Variants in PLCXD1 observed in about 807,000 individuals in gnomAD.
The protein encoded by PLCXD1 is PI-PLC X domain-containing protein 1.
A neutral mutation model predicts 37.8 loss-of-function variants in PLCXD1; 45 were observed. That is an observed-to-expected ratio of 1.19 (90% CI 0.94 to 1.53). PLCXD1 has a LOEUF of 1.53. Among genes scored for constraint, PLCXD1 ranks in the 40% most tolerant of loss-of-function variants. The pLI is 0.00. For synonymous variants in PLCXD1, 246 were observed against 206.9 expected (o/e 1.19, Z -1.62); for missense variants, 539 against 454.7 (o/e 1.19, Z -1.69).
At chrX:284,964 G>A (rs1216985060) in intron 2 of PLCXD1, among the ~76,000 whole-genome samples, 1 of 152,134 alleles carries the variant, frequency 6.6e-6, no homozygotes, top group Non-Finnish European at 1.5e-5. Context: ...GTGATTCGGT[G>A]ACCTCCCACC....
intron 1 of PLCXD1, among the ~76,000 whole-genome samples, chrX:282,260 T>TG: frequency 6.6e-6 from 1 of 152,192 alleles, no homozygotes; most frequent in East Asian, 1.9e-4. Flanking sequence ...CGGACGCCTG[T>TG]AATCCCAGCT....
At chrX:278,474 C>T (rs2069197174), upstream of PLCXD1, among the ~76,000 whole-genome samples, 1 of 152,106 alleles carries the variant, frequency 6.6e-6, no homozygotes, top group Non-Finnish European at 1.5e-5. Context: ...CACGGTGGCT[C>T]ACGCCTGTCA....
At position 281,410 on chromosome X, in the gene PLCXD1, A is replaced by C. The variant is rs1484012533; in HGVS notation, c.-296A>C. On this transcript the variant is annotated 5_prime_UTR_variant, in exon 1 of 7. The change abolishes an upstream ATG in the 5' untranslated region. Coordinates refer to ENST00000381657, the MANE Select transcript of PLCXD1 (RefSeq NM_018390.4). ...CGGGCAGCAGGGAAGATCTGAGTTC[A>C]TGTAGCTGGTGTTGGCTTAGGGTCT... The C allele has an allele frequency of 2.3e-4, 34 of 150,614 alleles. 1 individual carries two copies. The highest frequency in any genetic ancestry group is 4.3e-5 in the Non-Finnish European group (3 of 69,414). The allele number at this position is 150,614 out of a possible 1,614,324, so 9.3% of individuals were successfully genotyped here. A position where few individuals can be genotyped will look rare whatever the true frequency, so the allele number is the denominator to read the frequency against.
At chrX:284,132 C>G in intron 1 of PLCXD1, 35 bp from the exon 2 acceptor site, 2 of 1,587,424 alleles carry the variant, frequency 1.3e-6, no homozygotes, top group Non-Finnish European at 8.6e-7. Context: ...CTGAAGTCAC[C>G]GTAAAAAACC....
chrX:299,287 C>T lies in PLCXD1; in HGVS notation c.924C>T (p.Gly308=), dbSNP rs369707291. The T allele has an allele frequency of 2.9e-4, 469 of 1,613,918 alleles. 1 individual carries two copies. Among genetic ancestry groups the T allele is most frequent in the Non-Finnish European group, 2.2e-4 (260 of 1,179,828 alleles). ...IIAGDFIGAD[G]FVSDVIALNQ... Reference sequence around the variant, plus strand: ...CGGGGGACTTCATCGGCGCAGACGGCTTCGTCAGTGACGTCATCGCGCTCA... The same window carrying T: ...CGGGGGACTTCATCGGCGCAGACGGTTTCGTCAGTGACGTCATCGCGCTCA... Residue 308 remains glycine (G), a synonymous_variant, in exon 7 of 7, where the codon GGC becomes GGT. Transcript: ENST00000381657.
Position 300,537 on chromosome X carries a change from T to C in PLCXD1, c.*1202T>C, listed in dbSNP as rs1339428517. 1 of 138,760 alleles carries C rather than the reference T, an allele frequency of 7.2e-6. No individual in the cohort carries two copies. Among genetic ancestry groups the C allele is most frequent in the East Asian group, 1.9e-4 (1 of 5,146 alleles). The allele number at this position is 138,760 out of a possible 1,614,324, so 8.6% of individuals were successfully genotyped here. A position where few individuals can be genotyped will look rare whatever the true frequency, so the allele number is the denominator to read the frequency against. On this transcript the variant is annotated 3_prime_UTR_variant, in exon 7 of 7. Transcript: ENST00000381657. ...GTGCATATGTGTATACGTGTATGCA[T>C]ACATGTATATGTGTATGCATGTATA...
chrX:292,923 T>G, intron 5 of PLCXD1, 112 bp from the exon 6 acceptor site: 1 of 677,658 alleles, frequency 1.5e-6, no homozygotes. Flanking sequence ...AGAATTTCAT[T>G]TTTGGTTTAT....
intron 3 of PLCXD1, among the ~76,000 whole-genome samples, chrX:289,285 T>C (rs1401657669): frequency 4.6e-5 from 7 of 151,938 alleles, no homozygotes; most frequent in Non-Finnish European, 8.8e-5. Context: ...GATGGGGTTT[T>C]ACCGTGTTAG....
rs751758426 is a variant in PLCXD1 at position 303,059 on chromosome X, C to G, written c.*3724C>G. The G allele has an allele frequency of 6.6e-6, 1 of 152,288 alleles. No homozygotes were observed. The highest frequency in any genetic ancestry group is 2.1e-4 in the South Asian group (1 of 4,832). The allele number at this position is 152,288 out of a possible 1,614,324, so 9.4% of individuals were successfully genotyped here. A position where few individuals can be genotyped will look rare whatever the true frequency, so the allele number is the denominator to read the frequency against. On this transcript the variant is annotated 3_prime_UTR_variant, in exon 7 of 7. Coordinates refer to ENST00000381657, the MANE Select transcript of PLCXD1 (RefSeq NM_018390.4). ...TGGAGTCCATGTTGCAATAGGTTCT[C>G]TTTGGGACCTAATGACTCATTTTCC...
intron 4 of PLCXD1, among the ~76,000 whole-genome samples, 195 bp downstream of exon 4, chrX:290,971 G>A (rs1053514275): frequency 1.4e-5 from 2 of 144,576 alleles, no homozygotes; most frequent in Non-Finnish European, 3.0e-5. Context: ...AGGTGCGGCC[G>A]GGCTGAGGTG....
At chrX:279,863 T>A (rs920543987), upstream of PLCXD1, among the ~76,000 whole-genome samples, 3 of 152,062 alleles carry the variant, frequency 2.0e-5, no homozygotes, top group African/African-American at 7.2e-5. Context: ...AGGTTTTTTG[T>A]TTTTGAACGG....
At chrX:278,183 G>A (rs116929185), upstream of PLCXD1, among the ~76,000 whole-genome samples, 27 of 117,004 alleles carry the variant, frequency 2.3e-4, 1 homozygote, top group African/African-American at 6.5e-4. Flanking sequence ...GGGGTCGGGG[G>A]ACGTGGGGAC....
upstream of PLCXD1, among the ~76,000 whole-genome samples, chrX:277,174 G>T (rs1201167996): frequency 1.3e-5 from 2 of 151,632 alleles, no homozygotes; most frequent in Non-Finnish European, 2.9e-5. Context: ...ACTTTGTCAT[G>T]TGTGGGGAAG....
chrX:291,675 C>T (rs375256722), intron 5 of PLCXD1, 21 bp downstream of exon 5: 64 of 1,611,074 alleles, frequency 4.0e-5, no homozygotes, highest in African/African-American at 1.1e-4. Flanking sequence ...GAAGGATATC[C>T]GCACGTCTCT....
intron 6 of PLCXD1, 91 bp from the exon 7 acceptor site, chrX:299,006 A>T: frequency 1.0e-6 from 1 of 971,700 alleles, no homozygotes; most frequent in Non-Finnish European, 1.7e-6. Flanking sequence ...TTAATTCCTG[A>T]GATGCGAACC....
At chrX:292,259 T>G (rs1317703532) in intron 5 of PLCXD1, among the ~76,000 whole-genome samples, 2 of 151,782 alleles carry the variant, frequency 1.3e-5, no homozygotes, top group Admixed American at 6.6e-5. Flanking sequence ...ATCGAGACCA[T>G]CCTGGCTAAC....
At chrX:287,017 T>C (rs1224732745) in intron 2 of PLCXD1, among the ~76,000 whole-genome samples, 1 of 151,880 alleles carries the variant, frequency 6.6e-6, no homozygotes, top group Non-Finnish European at 1.5e-5. Context: ...GGGCTTCACG[T>C]TCCTCAGGGG....
chrX:284,110 C>G, intron 1 of PLCXD1, 57 bp from the exon 2 acceptor site: 2 of 1,438,674 alleles, frequency 1.4e-6, no homozygotes, highest in Admixed American at 3.5e-5. Flanking sequence ...AGGCTGGTCT[C>G]GAACTCCTGA....
intron 6 of PLCXD1, among the ~76,000 whole-genome samples, chrX:294,844 A>T (rs1381606652): frequency 6.6e-6 from 1 of 150,594 alleles, no homozygotes; most frequent in South Asian, 2.1e-4. Context: ...GGGTCAAGCG[A>T]TCTGCTTGAA....
Sources: gnomAD v4.1 joint callset for allele counts (sites outside exome capture counted in the v4.1 genomes callset) on GRCh38, gnomAD v4.1.1 for gene constraint, MANE v1.5 for transcripts, NCBI Gene and HGNC (gene_info 2026-07-23, HGNC 2026-07-21) for gene names.